Variants in PCMT1 observed in about 807,000 individuals in gnomAD.
PCMT1 encodes the protein protein-L-isoaspartate (D-aspartate) O-methyltransferase, also known as protein-L-isoaspartate(D-aspartate) O-methyltransferase.
Under a neutral mutation model 29.2 loss-of-function variants are expected in PCMT1, and 9 were observed. The ratio of observed to expected loss-of-function variants is 0.31; its 90% CI spans 0.19 to 0.54. PCMT1 has a LOEUF of 0.54. Ranked by LOEUF, PCMT1 falls within the 20% of genes least tolerant of loss-of-function variation. PCMT1 has a pLI of 0.95. For synonymous variants in PCMT1, 98 were observed against 97.5 expected (o/e 1.00, Z -0.03); for missense variants, 184 against 282.2 (o/e 0.65, Z 2.49).
intron 1 of PCMT1, among the ~76,000 whole-genome samples, chr6:149,757,586 A>G (rs1367826256): frequency 1.3e-5 from 2 of 152,150 alleles, no homozygotes; most frequent in Non-Finnish European, 2.9e-5. Context: ...ATTTGAAGAA[A>G]TGTCATGTAG....
intron 3 of PCMT1, among the ~76,000 whole-genome samples, chr6:149,786,609 G>A (rs1788101371): frequency 7.0e-6 from 1 of 143,230 alleles, no homozygotes; most frequent in African/African-American, 2.7e-5. Context: ...GGGGCGGCCG[G>A]GCAGAGACGC....
intron 3 of PCMT1, among the ~76,000 whole-genome samples, chr6:149,781,375 C>T (rs1404828780): frequency 6.6e-6 from 1 of 151,974 alleles, no homozygotes; most frequent in Non-Finnish European, 1.5e-5. Flanking sequence ...TATAGGCATG[C>T]ACCACCACAC....
At chr6:149,773,599 C>G (rs956770509) in intron 3 of PCMT1, among the ~76,000 whole-genome samples, 1 of 152,118 alleles carries the variant, frequency 6.6e-6, no homozygotes, top group Non-Finnish European at 1.5e-5. Flanking sequence ...AGGATGGTCT[C>G]GATCTCCTGA....
At chr6:149,801,946 T>C (rs1299276347) in intron 6 of PCMT1, among the ~76,000 whole-genome samples, 2 of 151,974 alleles carry the variant, frequency 1.3e-5, no homozygotes, top group African/African-American at 4.8e-5. Context: ...GTGGCCAATA[T>C]GGTGAAACCT....
At position 149,810,726 on chromosome 6, in the gene PCMT1, C is replaced by T; in HGVS notation, c.*148C>T. On this transcript the variant is annotated 3_prime_UTR_variant, in exon 8 of 8. Coordinates refer to ENST00000464889, the MANE Select transcript of PCMT1 (RefSeq NM_001360452.2). ...CAACACCATCACAGCTTGTTTTGGA[C>T]TTTGTTACACTGTTATTTTCAGCAT... is the stretch of plus-strand genomic sequence containing the variant. 1 of 859,794 alleles carries T rather than the reference C, an allele frequency of 1.2e-6. No homozygotes were observed. The highest frequency in any genetic ancestry group is 1.9e-6 in the Non-Finnish European group (1 of 540,204). 53.3% of individuals were successfully genotyped at this position (859,794 alleles called of 1,614,324 possible).
intron 1 of PCMT1, among the ~76,000 whole-genome samples, chr6:149,763,485 T>C (rs1440754368): frequency 6.6e-6 from 1 of 151,906 alleles, no homozygotes; most frequent in African/African-American, 2.4e-5. Flanking sequence ...TTCTGAGACA[T>C]GATGGGTTCA....
rs369919305 is a variant in PCMT1, at chr6:149,750,003, C to G, written c.55+47C>G. ...TGTAGGGCAGCTGGGGCAGGCTGGG[C>G]CTGGACCGGGTCCCCCTGGGCCGTC... On this transcript the variant is annotated intron_variant, in intron 1 of 7. Transcript: ENST00000464889. 1.1e-4 allele frequency: 178 copies of G among 1,574,924 alleles called. No individual in the cohort carries two copies. The African/African-American group carries it at 1.9e-3, about 17-fold the overall frequency.
intron 7 of PCMT1, among the ~76,000 whole-genome samples, chr6:149,804,837 A>AT (rs956675289): frequency 1.9e-4 from 29 of 149,734 alleles, no homozygotes; most frequent in Non-Finnish European, 2.8e-4. Flanking sequence ...AGTCTTACTG[A>AT]TTTTTTTTTT....
chr6:149,751,318 C>CA lies in PCMT1; in HGVS notation c.55+1372dup, dbSNP rs78513427. The stretch of plus-strand genomic sequence containing the variant: ...GGCAACAAGGGAGGAAACTCCGCCT[C>CA]AAAAAAAAAATTTTTTTTTGAATTT... On this transcript the variant is annotated intron_variant, in intron 1 of 7. Transcript: ENST00000464889. Among the ~76,000 whole-genome samples, 383 of 150,270 alleles carry CA rather than the reference C, an allele frequency of 2.5e-3. 3 individuals carry two copies. The highest frequency in any genetic ancestry group is 8.8e-3 in the African/African-American group (359 of 41,006).
At chr6:149,792,624 C>T (rs1788417376) in intron 4 of PCMT1, among the ~76,000 whole-genome samples, 1 of 151,908 alleles carries the variant, frequency 6.6e-6, no homozygotes, top group African/African-American at 2.4e-5. Context: ...GTGATCCTCA[C>T]ACCACATCAG....
intron 1 of PCMT1, 119 bp downstream of exon 1, chr6:149,750,075 C>A: frequency 7.3e-7 from 1 of 1,369,068 alleles, no homozygotes; most frequent in Non-Finnish European, 9.7e-7. Context: ...GGCTTCGGCG[C>A]AGAGTTGCCC....
intron 6 of PCMT1, among the ~76,000 whole-genome samples, chr6:149,801,716 G>A (rs1004557886): frequency 7.9e-5 from 12 of 152,056 alleles, no homozygotes; most frequent in African/African-American, 2.7e-4. Context: ...CCAAAGTGCT[G>A]GGATCACAGG....
At chr6:149,765,359 CA>C (rs745563333) in intron 1 of PCMT1, among the ~76,000 whole-genome samples, 114 of 85,670 alleles carry the variant, frequency 1.3e-3, no homozygotes, top group Middle Eastern at 5.9e-3. Flanking sequence ...GACTCTGTCT[CA>C]AAAAAAAAAA....
In PCMT1 at chr6:149,771,166, T is replaced by C. The variant is rs781188047; in HGVS notation, c.60T>C (p.Asn20=). ...HSELIHNLRK[N]GIIKTDKVFE... is the part of the protein sequence containing the mutation. ...TATTTGCCTCACTTGTTTCAGAAAA[T>C]GGAATCATCAAGACAGATAAAGTAT... Residue 20 remains asparagine (N), a synonymous_variant, in exon 2 of 8, where the codon AAT becomes AAC. Coordinates refer to ENST00000464889, the MANE Select transcript of PCMT1 (RefSeq NM_001360452.2). 1.3e-6 allele frequency: 2 copies of C among 1,596,124 alleles called. No individual in the cohort carries two copies. Among genetic ancestry groups the C allele is most frequent in the East Asian group, 2.2e-5 (1 of 44,716 alleles).
intron 3 of PCMT1, among the ~76,000 whole-genome samples, chr6:149,774,131 A>C (rs1369760845): frequency 6.6e-6 from 1 of 152,174 alleles, no homozygotes; most frequent in Non-Finnish European, 1.5e-5. Context: ...CTAGGATTAC[A>C]GGCATGAGCC....
chr6:149,777,999 C>G (rs1787648867), intron 3 of PCMT1, among the ~76,000 whole-genome samples: 1 of 150,344 alleles, frequency 6.7e-6, no homozygotes, highest in Non-Finnish European at 1.5e-5. Context: ...GCCTCAGCCT[C>G]TCAGATAGCT....
intron 4 of PCMT1, among the ~76,000 whole-genome samples, chr6:149,790,723 G>A (rs1788331036): frequency 6.6e-6 from 1 of 152,010 alleles, no homozygotes; most frequent in East Asian, 1.9e-4. Flanking sequence ...AAAACCTACT[G>A]AGGGACCAGA....
chr6:149,758,208 C>CTTTTTTTTTTTTTTTTTTTTTTTTT (rs756014067), intron 1 of PCMT1, among the ~76,000 whole-genome samples: 8 of 73,914 alleles, frequency 1.1e-4, no homozygotes, highest in Non-Finnish European at 1.5e-4. Flanking sequence ...TTCTTTCTTT[C>CTTTTTTTTTTTTTTTTTTTTTTTTT]TTTTTTTTTT....
chr6:149,765,018 C>T (rs368956779), intron 1 of PCMT1, among the ~76,000 whole-genome samples: 15 of 133,540 alleles, frequency 1.1e-4, no homozygotes, highest in Admixed American at 3.8e-4. Flanking sequence ...TCCAGCCTGG[C>T]GAGAGTGAGA....
Sources: gnomAD v4.1 joint callset for allele counts (sites outside exome capture counted in the v4.1 genomes callset) on GRCh38, gnomAD v4.1.1 for gene constraint, MANE v1.5 for transcripts, NCBI Gene and HGNC (gene_info 2026-07-23, HGNC 2026-07-21) for gene names.